The following ANKRD12 variants were observed in gnomAD, a reference collection of about 807,000 sequenced individuals.
ANKRD12 encodes ankyrin repeat domain-containing protein 12.
Under a neutral mutation model 183.4 loss-of-function variants are expected in ANKRD12, and 85 were observed. That is an observed-to-expected ratio of 0.46 (90% CI 0.39 to 0.56). ANKRD12 has a LOEUF of 0.56. ANKRD12 is among the 20% of genes least tolerant of loss of function. The pLI is 0.00. For missense variants in ANKRD12, 2,405 were observed against 2,357.1 expected (o/e 1.02, Z -0.42); for synonymous variants, 914 against 800.2 (o/e 1.14, Z -2.40).
At chr18:9,278,129 T>A (rs539332642) in intron 11 of ANKRD12, among the ~76,000 whole-genome samples, 12 of 152,340 alleles carry the variant, frequency 7.9e-5, no homozygotes, top group African/African-American at 2.9e-4. Context: ...AGGTGTATTC[T>A]CTTGACAGAG....
chr18:9,150,441 T>G (rs2078648684), intron 1 of ANKRD12, among the ~76,000 whole-genome samples: 1 of 152,160 alleles, frequency 6.6e-6, no homozygotes, highest in Non-Finnish European at 1.5e-5. Flanking sequence ...ATAAAAGCAG[T>G]ACATTTCCAT....
At chr18:9,175,637 C>G (rs1337664137) in intron 1 of ANKRD12, among the ~76,000 whole-genome samples, 1 of 138,950 alleles carries the variant, frequency 7.2e-6, no homozygotes, top group African/African-American at 2.7e-5. Flanking sequence ...AAGCAGTTCT[C>G]AAGCCTTAGC....
chr18:9,155,221 A>G (rs1342760001), intron 1 of ANKRD12, among the ~76,000 whole-genome samples: 1 of 152,256 alleles, frequency 6.6e-6, no homozygotes, highest in Non-Finnish European at 1.5e-5. Context: ...ATTTGCTGTC[A>G]CAGCAGAGTG....
intron 1 of ANKRD12, among the ~76,000 whole-genome samples, chr18:9,163,000 A>G (rs2031631155): frequency 6.6e-6 from 1 of 151,808 alleles, no homozygotes; most frequent in African/African-American, 2.4e-5. Context: ...TTGTCTGTTC[A>G]CTCTGATGAT....
chr18:9,140,920 C>G (rs1454090988), intron 1 of ANKRD12, among the ~76,000 whole-genome samples: 1 of 152,078 alleles, frequency 6.6e-6, no homozygotes, highest in Non-Finnish European at 1.5e-5. Context: ...TCATAATAAC[C>G]TTGTAAAACG....
intron 10 of ANKRD12, among the ~76,000 whole-genome samples, chr18:9,270,266 T>C (rs1281257662): frequency 4.6e-5 from 7 of 152,358 alleles, no homozygotes; most frequent in African/African-American, 1.4e-4. Context: ...TTACTGGGTA[T>C]ATACCGAAAG....
intron 9 of ANKRD12, among the ~76,000 whole-genome samples, chr18:9,261,652 A>G (rs1404089850): frequency 1.3e-5 from 2 of 152,216 alleles, no homozygotes; most frequent in African/African-American, 4.8e-5. Context: ...GACGAGAGTA[A>G]TGGCAAAACC....
intron 1 of ANKRD12, among the ~76,000 whole-genome samples, chr18:9,157,504 T>C (rs1255622842): frequency 6.6e-6 from 1 of 151,546 alleles, no homozygotes; most frequent in Non-Finnish European, 1.5e-5. Flanking sequence ...CTGAGGACCA[T>C]CTGTATTTAA....
chr18:9,263,423 C>T (rs1362511562), intron 9 of ANKRD12, among the ~76,000 whole-genome samples: 6 of 152,150 alleles, frequency 3.9e-5, no homozygotes, highest in African/African-American at 1.4e-4. Flanking sequence ...AATTGAACTG[C>T]TTTAATCTTT....
At chr18:9,171,134 T>C (rs1242532283) in intron 1 of ANKRD12, among the ~76,000 whole-genome samples, 2 of 152,254 alleles carry the variant, frequency 1.3e-5, no homozygotes, top group East Asian at 3.9e-4. Flanking sequence ...GCCTCCCAGT[T>C]AGGCTACTCG....
intron 10 of ANKRD12, among the ~76,000 whole-genome samples, chr18:9,264,447 T>G (rs2039159291): frequency 6.6e-6 from 1 of 152,220 alleles, no homozygotes; most frequent in Non-Finnish European, 1.5e-5. Flanking sequence ...ACTATGATCC[T>G]TCTTCACAGA....
chr18:9,149,908 G>A (rs1200159832), intron 1 of ANKRD12, among the ~76,000 whole-genome samples: 1 of 151,246 alleles, frequency 6.6e-6, no homozygotes, highest in African/African-American at 2.4e-5. Context: ...CCATTCTGCT[G>A]CTTCAGCCTC....
At chr18:9,173,727 C>G (rs913145721) in intron 1 of ANKRD12, among the ~76,000 whole-genome samples, 8 of 152,080 alleles carry the variant, frequency 5.3e-5, no homozygotes, top group Non-Finnish European at 1.2e-4. Flanking sequence ...GGGACAGGAT[C>G]AGGGACCTGC....
At chr18:9,138,113 C>T (rs907296968) in intron 1 of ANKRD12, among the ~76,000 whole-genome samples, 1 of 152,226 alleles carries the variant, frequency 6.6e-6, no homozygotes, top group Non-Finnish European at 1.5e-5. Context: ...TGAAATGAGC[C>T]TGCATCTGCA....
chr18:9,184,966 G>A (rs935542557), intron 2 of ANKRD12, among the ~76,000 whole-genome samples: 6 of 152,122 alleles, frequency 3.9e-5, no homozygotes, highest in African/African-American at 1.4e-4. Flanking sequence ...ACTGAGTGAT[G>A]GGAGGAAAAA....
intron 1 of ANKRD12, among the ~76,000 whole-genome samples, chr18:9,163,303 C>T (rs1195780081): frequency 6.6e-6 from 1 of 152,004 alleles, no homozygotes; most frequent in Admixed American, 6.6e-5. Flanking sequence ...ATAGGGAATC[C>T]TTTCTTCATT....
chr18:9,222,742 C>T (rs898481602), intron 8 of ANKRD12, among the ~76,000 whole-genome samples: 15 of 152,110 alleles, frequency 9.9e-5, no homozygotes, highest in African/African-American at 3.4e-4. Flanking sequence ...GGCAATGGAT[C>T]ATTTATAGTT....
At chr18:9,175,835 C>G (rs1197941530) in intron 1 of ANKRD12, among the ~76,000 whole-genome samples, 2 of 152,074 alleles carry the variant, frequency 1.3e-5, no homozygotes, top group African/African-American at 4.8e-5. Flanking sequence ...GCCAAAACCT[C>G]TTTTTGACAA....
intron 1 of ANKRD12, among the ~76,000 whole-genome samples, chr18:9,164,866 A>T (rs759188896): frequency 6.6e-6 from 1 of 152,222 alleles, no homozygotes; most frequent in Non-Finnish European, 1.5e-5. Flanking sequence ...AGAAGAATAT[A>T]TAATCTGTTG....
Sources: allele counts gnomAD v4.1 joint callset (sites outside exome capture counted in the v4.1 genomes callset), GRCh38; gene constraint gnomAD v4.1.1; transcripts MANE v1.5; gene names NCBI Gene and HGNC (gene_info 2026-07-23, HGNC 2026-07-21).